Variants in WDR7 observed in about 807,000 individuals in gnomAD.
WDR7 encodes WD repeat-containing protein 7.
In WDR7, 46 loss-of-function variants were observed where a neutral mutation model predicts 169.4. That is an observed-to-expected ratio of 0.27 (90% CI 0.21 to 0.35). The LOEUF is 0.35. Among genes scored for constraint, WDR7 ranks in the 10% least tolerant of loss-of-function variants. The pLI is 1.00. For synonymous variants in WDR7, 612 were observed against 666.8 expected, an observed-to-expected ratio of 0.92 and a Z score of 1.27; for missense variants, 1,534 against 1,859.3, an observed-to-expected ratio of 0.83 and a Z score of 3.22.
chr18:56,908,011 G>A (rs2046503220), intron 21 of WDR7, among the ~76,000 whole-genome samples: 1 of 152,146 alleles, frequency 6.6e-6, no homozygotes, highest in Non-Finnish European at 1.5e-5. Flanking sequence ...GAGGGTGGGA[G>A]TGTATTCTCT....
intron 12 of WDR7, among the ~76,000 whole-genome samples, chr18:56,710,334 GC>G (rs1245023619): frequency 4.6e-5 from 7 of 152,140 alleles, no homozygotes; most frequent in African/African-American, 1.7e-4. Context: ...GTTCTTCTAG[GC>G]TTTTAAAATC....
intron 26 of WDR7, among the ~76,000 whole-genome samples, chr18:56,964,874 C>T (rs559841001): frequency 2.6e-5 from 4 of 152,298 alleles, no homozygotes; most frequent in African/African-American, 9.6e-5. Context: ...TCAATCATTA[C>T]TTTTGTCAGT....
At position 56,935,779 on chromosome 18, in the gene WDR7, C is replaced by T. The variant is rs1483921624; in HGVS notation, c.3714-9C>T. 6.2e-7 allele frequency: 1 copy of T among 1,612,676 alleles called. No homozygotes were observed. Among genetic ancestry groups the T allele is most frequent in the Non-Finnish European group, 8.5e-7 (1 of 1,178,936 alleles). On this transcript the variant is annotated splice_polypyrimidine_tract_variant and intron_variant, in intron 22 of 27. Transcript: ENST00000254442. ...TTTCTTTTTTTCCCTTTTTCTGATC[C>T]CTGTTTAGCATCACAATGGGGTTGC...
chr18:56,694,600 C>A lies in WDR7; in HGVS notation c.967-19C>A. On this transcript the variant is annotated intron_variant, in intron 9 of 27. Transcript: ENST00000254442. ...GATTAAAAATACAGCTAAAGATATT[C>A]AAATACTTTTTTTGGCAGTTGCTAA... The A allele has an allele frequency of 6.3e-7, 1 of 1,598,026 alleles. No individual in the cohort carries two copies. Among genetic ancestry groups the A allele is most frequent in the South Asian group, 1.1e-5 (1 of 88,564 alleles).
chr18:57,003,422 T>C (rs998325715), intron 26 of WDR7, among the ~76,000 whole-genome samples: 18 of 152,064 alleles, frequency 1.2e-4, no homozygotes, highest in Admixed American at 1.3e-4. Context: ...AGCACTCTTT[T>C]TAAAGTCCTT....
chr18:56,711,530 C>T (rs1236501357), intron 12 of WDR7, among the ~76,000 whole-genome samples: 4 of 151,934 alleles, frequency 2.6e-5, no homozygotes, highest in Admixed American at 2.6e-4. Flanking sequence ...CTAATTAGCC[C>T]ACTATTTCTT....
At chr18:56,881,716 G>A (rs2041336397) in intron 21 of WDR7, among the ~76,000 whole-genome samples, 1 of 152,056 alleles carries the variant, frequency 6.6e-6, no homozygotes, top group South Asian at 2.1e-4. Context: ...CTCCCAAGTA[G>A]CCAGGATTAC....
intron 20 of WDR7, among the ~76,000 whole-genome samples, chr18:56,845,075 G>C (rs2045547303): frequency 6.6e-6 from 1 of 152,078 alleles, no homozygotes; most frequent in African/African-American, 2.4e-5. Flanking sequence ...GGGGTACTTG[G>C]AATATATCTC....
chr18:56,953,578 C>G (rs548122732), intron 25 of WDR7, among the ~76,000 whole-genome samples: 2 of 152,344 alleles, frequency 1.3e-5, no homozygotes, highest in South Asian at 4.1e-4. Context: ...GTCAGGCAGT[C>G]CCTGCCCTAA....
At chr18:56,782,463 G>A (rs892188099) in intron 19 of WDR7, among the ~76,000 whole-genome samples, 1 of 151,254 alleles carries the variant, frequency 6.6e-6, no homozygotes, top group African/African-American at 2.4e-5. Context: ...TAATTATATT[G>A]ATTAAAAAAT....
intron 21 of WDR7, among the ~76,000 whole-genome samples, chr18:56,907,028 G>A (rs1167579757): frequency 6.6e-6 from 1 of 152,160 alleles, no homozygotes; most frequent in African/African-American, 2.4e-5. Context: ...ATACCAACCA[G>A]GGTTAGAACC....
chr18:56,741,155 T>C (rs930147742), intron 14 of WDR7, among the ~76,000 whole-genome samples: 4 of 152,160 alleles, frequency 2.6e-5, no homozygotes, highest in African/African-American at 4.8e-5. Flanking sequence ...ATTTTAAAAA[T>C]ATTATTAAGA....
chr18:56,905,098 T>G (rs2046458049), intron 21 of WDR7, among the ~76,000 whole-genome samples: 1 of 152,182 alleles, frequency 6.6e-6, no homozygotes, highest in Non-Finnish European at 1.5e-5. Context: ...AATAAGGAAC[T>G]TGTAGACTGT....
At chr18:56,930,191 A>C (rs2046862430) in intron 22 of WDR7, among the ~76,000 whole-genome samples, 1 of 152,238 alleles carries the variant, frequency 6.6e-6, no homozygotes, top group Admixed American at 6.5e-5. Flanking sequence ...AAGTCACTGG[A>C]AACCACACAT....
At chr18:56,727,542 G>A (rs1213373811) in intron 13 of WDR7, among the ~76,000 whole-genome samples, 1 of 152,142 alleles carries the variant, frequency 6.6e-6, no homozygotes, top group Non-Finnish European at 1.5e-5. Flanking sequence ...AGTGCTGAGC[G>A]AAGGGGAAAG....
At position 56,998,403 on chromosome 18, in the gene WDR7, G is replaced by A. The variant is rs967436997; in HGVS notation, c.4165-22342G>A. Among the ~76,000 whole-genome samples the A allele has an allele frequency of 2.0e-5, 3 of 152,110 alleles. No homozygotes were observed. The South Asian group carries it at 6.2e-4, about 31-fold the overall frequency. On this transcript the variant is annotated intron_variant, in intron 26 of 27. Transcript: ENST00000254442. ...TTATGGGTTCTATTTGATAACATTG[G>A]GCCAAAGTAGACCTTCCTAAAACAT...
intron 25 of WDR7, among the ~76,000 whole-genome samples, chr18:56,946,230 C>G (rs1467911813): frequency 6.6e-6 from 1 of 152,140 alleles, no homozygotes. Context: ...CCGGGGTTTC[C>G]TTGCCCATGT....
intron 12 of WDR7, among the ~76,000 whole-genome samples, chr18:56,702,471 T>C (rs1341276167): frequency 6.6e-6 from 1 of 152,228 alleles, no homozygotes; most frequent in Non-Finnish European, 1.5e-5. Context: ...TTGACAGCAG[T>C]GAAAATTCAT....
At chr18:56,823,640 C>G (rs2045142141) in intron 20 of WDR7, among the ~76,000 whole-genome samples, 1 of 152,094 alleles carries the variant, frequency 6.6e-6, no homozygotes, top group African/African-American at 2.4e-5. Context: ...ACCTCACCTT[C>G]TTTCATATGT....
Sources: allele counts gnomAD v4.1 joint callset (sites outside exome capture counted in the v4.1 genomes callset), GRCh38; gene constraint gnomAD v4.1.1; transcripts MANE v1.5; gene names NCBI Gene and HGNC (gene_info 2026-07-23, HGNC 2026-07-21).